DCBLD2: variants seen among roughly 807,000 people sequenced by gnomAD.
The protein encoded by DCBLD2 is discoidin, CUB and LCCL domain-containing protein 2.
DCBLD2 carries 54 observed loss-of-function variants against 86.8 expected under a neutral mutation model. That is an observed-to-expected ratio of 0.62 (90% CI 0.50 to 0.78). DCBLD2 has a LOEUF of 0.78. Ranked by LOEUF, DCBLD2 falls within the 30% of genes least tolerant of loss-of-function variation. The pLI, the probability that DCBLD2 is intolerant of heterozygous loss-of-function variation, is 0.00. For missense variants in DCBLD2, 908 were observed against 954.2 expected (o/e 0.95, Z 0.64); for synonymous variants, 354 against 341.3 (o/e 1.04, Z -0.41).
At chr3:98,835,004 G>T (rs1942406567) in intron 3 of DCBLD2, among the ~76,000 whole-genome samples, 1 of 147,638 alleles carries the variant, frequency 6.8e-6, no homozygotes, top group African/African-American at 2.4e-5. Context: ...ACAGAGTTTT[G>T]CTCTGTCATC....
At chr3:98,888,820 C>T (rs2107528508) in intron 1 of DCBLD2, among the ~76,000 whole-genome samples, 1 of 152,112 alleles carries the variant, frequency 6.6e-6, no homozygotes, top group Admixed American at 6.6e-5. Flanking sequence ...AACCCAATGA[C>T]CTCTACTGCA....
intron 4 of DCBLD2, 88 bp downstream of exon 4, chr3:98,825,227 C>A: frequency 9.9e-7 from 1 of 1,007,952 alleles, no homozygotes. Context: ...TACATTAACC[C>A]TAAGAGTATA....
intron 2 of DCBLD2, among the ~76,000 whole-genome samples, chr3:98,875,655 G>A (rs2119187): frequency 0.43 from 65,423 of 151,894 alleles, 14,270 homozygotes; most frequent in Non-Finnish European, 0.46. Context: ...AACACATACC[G>A]TAAAGCCTCT....
chr3:98,814,921 C>A (rs773271159), intron 9 of DCBLD2: 3 of 152,178 alleles, frequency 2.0e-5, no homozygotes, highest in Non-Finnish European at 2.9e-5. Context: ...ATAAGGTGAA[C>A]CCTGCTATTT....
chr3:98,831,206 A>AT (rs34009011), intron 3 of DCBLD2, among the ~76,000 whole-genome samples: 29,560 of 138,834 alleles, frequency 0.21, 3,245 homozygotes, highest in African/African-American at 0.32. Flanking sequence ...TGCTGAGCTA[A>AT]TTTTTTTTTT....
chr3:98,838,534 C>G (rs1387711102), intron 3 of DCBLD2, among the ~76,000 whole-genome samples: 1 of 146,892 alleles, frequency 6.8e-6, no homozygotes, highest in African/African-American at 2.5e-5. Flanking sequence ...GGGATGGCGG[C>G]CGGGCGGAGA....
intron 3 of DCBLD2, among the ~76,000 whole-genome samples, chr3:98,840,016 G>C (rs1942592473): frequency 6.6e-6 from 1 of 152,182 alleles, no homozygotes; most frequent in Non-Finnish European, 1.5e-5. Flanking sequence ...TGAGGCCACA[G>C]TAGACAAGTA....
At chr3:98,862,458 C>G (rs1241089217) in intron 2 of DCBLD2, among the ~76,000 whole-genome samples, 1 of 152,106 alleles carries the variant, frequency 6.6e-6, no homozygotes, top group South Asian at 2.1e-4. Flanking sequence ...AACATCGATG[C>G]AAAAATCCTC....
At chr3:98,892,602 C>G (rs763571319) in intron 1 of DCBLD2, among the ~76,000 whole-genome samples, 9 of 152,066 alleles carry the variant, frequency 5.9e-5, no homozygotes, top group Non-Finnish European at 1.0e-4. Flanking sequence ...AAAGAGAAAG[C>G]CAGACTGAAA....
At position 98,893,625 on chromosome 3, in the gene DCBLD2, T is replaced by A. The variant is rs375756766; in HGVS notation, c.205+7497A>T. ...AAATGTAGATTACCATTTAGAAAGC[T>A]CGTCACTGAAAAAAGCAGAGATACA... On this transcript the variant is annotated intron_variant, in intron 1 of 15. Coordinates refer to ENST00000326840, the MANE Select transcript of DCBLD2 (RefSeq NM_080927.4). 2.0e-5 allele frequency among the ~76,000 whole-genome samples: 3 copies of A among 152,076 alleles called. No homozygotes were observed. In the East Asian group the frequency reaches 5.8e-4, roughly 29 times the overall value.
chr3:98,863,090 G>C (rs1050231675), intron 2 of DCBLD2, among the ~76,000 whole-genome samples: 1 of 152,132 alleles, frequency 6.6e-6, no homozygotes, highest in Non-Finnish European at 1.5e-5. Flanking sequence ...GACAAACAGA[G>C]AGCCAAATCA....
intron 15 of DCBLD2, 85 bp downstream of exon 15, chr3:98,800,494 A>G: frequency 7.1e-7 from 1 of 1,412,102 alleles, no homozygotes; most frequent in Non-Finnish European, 9.5e-7. Flanking sequence ...AAAGGGATCA[A>G]AGAACTGTAA....
intron 2 of DCBLD2, among the ~76,000 whole-genome samples, chr3:98,857,528 C>T (rs1165756036): frequency 6.6e-6 from 1 of 152,176 alleles, no homozygotes; most frequent in Non-Finnish European, 1.5e-5. Flanking sequence ...GGTGCGTTTA[C>T]AATCCCTGAG....
intron 2 of DCBLD2, among the ~76,000 whole-genome samples, chr3:98,853,030 C>T (rs1398147455): frequency 2.0e-5 from 3 of 151,218 alleles, no homozygotes; most frequent in Non-Finnish European, 3.0e-5. Context: ...GATAAAACTG[C>T]GCTGTTTTAA....
At chr3:98,887,014 A>G (rs1387088347) in intron 1 of DCBLD2, among the ~76,000 whole-genome samples, 3 of 151,942 alleles carry the variant, frequency 2.0e-5, no homozygotes, top group Admixed American at 6.6e-5. Flanking sequence ...GATTTTAGCC[A>G]TATCACTACT....
chr3:98,853,354 T>G (rs1942874363), intron 2 of DCBLD2, among the ~76,000 whole-genome samples: 1 of 152,238 alleles, frequency 6.6e-6, no homozygotes, highest in African/African-American at 2.4e-5. Flanking sequence ...CTAGGCCAGT[T>G]TTCTAAGTGG....
rs151004657 is a variant in DCBLD2 at position 98,881,113 on chromosome 3, G to A, written c.433+427C>T. 1.4e-3 allele frequency among the ~76,000 whole-genome samples: 212 copies of A among 151,828 alleles called. 2 individuals are homozygous for A. The East Asian group carries it at 0.016, about 12-fold the overall frequency. ...ACTAAAAATCAAAAAAAAATTAGCC[G>A]GCTATGGTGGCGAGCGCCTGTAATC... On this transcript the variant is annotated intron_variant, in intron 2 of 15. Coordinates refer to ENST00000326840, the MANE Select transcript of DCBLD2 (RefSeq NM_080927.4).
At chr3:98,817,737 GT>G (rs917975474) in intron 9 of DCBLD2, 31 bp downstream of exon 9, 2 of 1,607,940 alleles carry the variant, frequency 1.2e-6, no homozygotes, top group Non-Finnish European at 1.7e-6. Flanking sequence ...TTTAAAAAAT[GT>G]TTTTTAAAAA....
intron 13 of DCBLD2, among the ~76,000 whole-genome samples, chr3:98,803,844 C>G (rs933179690): frequency 6.6e-6 from 1 of 152,060 alleles, no homozygotes. Flanking sequence ...TGCTGGATTA[C>G]GTTTATTGAT....
Sources: allele counts gnomAD v4.1 joint callset (sites outside exome capture counted in the v4.1 genomes callset), GRCh38; gene constraint gnomAD v4.1.1; transcripts MANE v1.5; gene names NCBI Gene and HGNC (gene_info 2026-07-23, HGNC 2026-07-21).